The following SSH2 variants were observed in gnomAD, a reference collection of about 807,000 sequenced individuals.
SSH2 encodes the protein protein phosphatase Slingshot homolog 2.
SSH2 carries 37 observed loss-of-function variants against 135.2 expected under a neutral mutation model. The observed-to-expected ratio is 0.27, with a 90% confidence interval of 0.21 to 0.36. The LOEUF (loss-of-function observed/expected upper bound fraction) is 0.36. Ranked by LOEUF, SSH2 falls within the 10% of genes least tolerant of loss-of-function variation. The pLI is 1.00. For synonymous variants in SSH2, 628 were observed against 646.2 expected (o/e 0.97, Z 0.43); for missense variants, 1,408 against 1,765.3 (o/e 0.80, Z 3.63).
intron 15 of SSH2, among the ~76,000 whole-genome samples, chr17:29,634,174 A>G (rs560031495): frequency 6.6e-6 from 1 of 152,340 alleles, no homozygotes; most frequent in African/African-American, 2.4e-5. Context: ...TGTGGTGAAA[A>G]GACAAAAGCA....
At chr17:29,710,205 C>A (rs1598854115) in intron 3 of SSH2, among the ~76,000 whole-genome samples, 1 of 152,278 alleles carries the variant, frequency 6.6e-6, no homozygotes, top group East Asian at 1.9e-4. Flanking sequence ...GTTCTACATG[C>A]ACACATATAA....
rs955951442 is a variant in SSH2 at position 29,930,216 on chromosome 17, T to G, written c.-216A>C. ...GGCGGCGGGCGGGCGGTTCCGCAGC[T>G]GCGGGGCACAATGAGCGCTCCCAGT... On this transcript the variant is annotated 5_prime_UTR_variant, in exon 1 of 16. Transcript: ENST00000540801. 5.4e-6 allele frequency: 3 copies of G among 555,918 alleles called. No homozygotes were observed. Among genetic ancestry groups the G allele is most frequent in the East Asian group, 6.2e-5 (2 of 32,516 alleles). 34.4% of individuals were successfully genotyped at this position (555,918 alleles called of 1,614,324 possible).
chr17:29,761,141 C>G (rs984344268), intron 3 of SSH2: 2 of 1,288,490 alleles, frequency 1.6e-6, no homozygotes, highest in African/African-American at 1.5e-5. Flanking sequence ...GGGCGCGCGG[C>G]GGACTCACAG....
chr17:29,865,596 A>C (rs1218645141), intron 1 of SSH2, among the ~76,000 whole-genome samples: 1 of 152,244 alleles, frequency 6.6e-6, no homozygotes, highest in Admixed American at 6.5e-5. Flanking sequence ...AAGGGGAAGA[A>C]GACTTTGCTG....
At chr17:29,861,170 C>G (rs890837939) in intron 1 of SSH2, among the ~76,000 whole-genome samples, 2 of 152,122 alleles carry the variant, frequency 1.3e-5, no homozygotes, top group Non-Finnish European at 2.9e-5. Flanking sequence ...TCCCATTCTA[C>G]AGGTTGTCTG....
chr17:29,785,910 T>C (rs1325093164), intron 3 of SSH2, among the ~76,000 whole-genome samples: 13 of 150,842 alleles, frequency 8.6e-5, no homozygotes, highest in Non-Finnish European at 1.9e-4. Flanking sequence ...GTTCACACCA[T>C]TCTCCTGCCT....
At chr17:29,756,044 T>TC (rs1291492046) in intron 3 of SSH2, among the ~76,000 whole-genome samples, 1 of 149,988 alleles carries the variant, frequency 6.7e-6, no homozygotes, top group Non-Finnish European at 1.5e-5. Flanking sequence ...GGCAGGCGGA[T>TC]CACCTGAGGT....
At chr17:29,894,604 C>T (rs574763062) in intron 1 of SSH2, among the ~76,000 whole-genome samples, 21 of 151,900 alleles carry the variant, frequency 1.4e-4, no homozygotes, top group Non-Finnish European at 1.5e-4. Context: ...TTGGGGTTTT[C>T]CCAAATAGTT....
At chr17:29,852,274 C>T (rs1007838637) in intron 1 of SSH2, among the ~76,000 whole-genome samples, 6 of 148,480 alleles carry the variant, frequency 4.0e-5, no homozygotes, top group African/African-American at 1.5e-4. Context: ...CACTCTGTCT[C>T]AAAGAAAAAA....
At position 29,635,571 on chromosome 17, in the gene SSH2, C is replaced by T. The variant is rs557392270; in HGVS notation, c.2262+397G>A. The stretch of plus-strand genomic sequence containing the variant: ...AGGCGCCGCCCGCCACCACACCTGG[C>T]TAATTTTTTGTATTTTTTAGTAGAG... On this transcript the variant is annotated intron_variant, in intron 15 of 15. Transcript: ENST00000540801. 3.2e-4 allele frequency among the ~76,000 whole-genome samples: 49 copies of T among 151,654 alleles called. No homozygotes were observed. The South Asian group carries it at 9.8e-3, about 30-fold the overall frequency.
At chr17:29,694,323 G>A (rs1483944565) in intron 5 of SSH2, among the ~76,000 whole-genome samples, 1 of 152,110 alleles carries the variant, frequency 6.6e-6, no homozygotes, top group East Asian at 1.9e-4. Flanking sequence ...AGTTTTATTG[G>A]AGGTATTACT....
chr17:29,735,368 G>C (rs1261458718), intron 3 of SSH2, among the ~76,000 whole-genome samples: 3 of 152,102 alleles, frequency 2.0e-5, no homozygotes, highest in Non-Finnish European at 4.4e-5. Context: ...GAGTTGCACA[G>C]GTTCTTCTGT....
intron 15 of SSH2, among the ~76,000 whole-genome samples, chr17:29,634,234 C>T (rs1051367513): frequency 1.3e-5 from 2 of 152,122 alleles, no homozygotes; most frequent in African/African-American, 2.4e-5. Context: ...AAATCGTTAA[C>T]GGACAAAGCG....
chr17:29,671,377 G>T (rs2037487553), intron 9 of SSH2, among the ~76,000 whole-genome samples: 2 of 152,040 alleles, frequency 1.3e-5, no homozygotes, highest in Non-Finnish European at 2.9e-5. Context: ...CAGGTACTTT[G>T]CAGGCTGAAG....
intron 8 of SSH2, chr17:29,675,718 T>A (rs1485066639): frequency 6.6e-6 from 1 of 152,428 alleles, no homozygotes; most frequent in Admixed American, 6.6e-5. Context: ...GGAAGAACAC[T>A]CGAGCCCAGG....
chr17:29,745,552 C>G (rs1436245341), intron 3 of SSH2, among the ~76,000 whole-genome samples: 1 of 152,162 alleles, frequency 6.6e-6, no homozygotes, highest in Non-Finnish European at 1.5e-5. Context: ...TCTTATTTAT[C>G]CCTTCATTGA....
At chr17:29,755,057 T>C (rs2041069332) in intron 3 of SSH2, among the ~76,000 whole-genome samples, 1 of 152,248 alleles carries the variant, frequency 6.6e-6, no homozygotes, top group Non-Finnish European at 1.5e-5. Flanking sequence ...TTGTTTAGTA[T>C]ATAATGATAA....
At chr17:29,688,409 A>G (rs888470552) in intron 5 of SSH2, among the ~76,000 whole-genome samples, 1 of 152,186 alleles carries the variant, frequency 6.6e-6, no homozygotes, top group Non-Finnish European at 1.5e-5. Context: ...AAACCTAATG[A>G]GAAGGGCCCC....
intron 3 of SSH2, among the ~76,000 whole-genome samples, chr17:29,747,009 G>T (rs1188238792): frequency 1.3e-5 from 2 of 152,188 alleles, no homozygotes; most frequent in African/African-American, 4.8e-5. Context: ...CTCAGGACTT[G>T]AAATATCCTG....
Sources: gnomAD v4.1 joint callset for allele counts (sites outside exome capture counted in the v4.1 genomes callset) on GRCh38, gnomAD v4.1.1 for gene constraint, MANE v1.5 for transcripts, NCBI Gene and HGNC (gene_info 2026-07-23, HGNC 2026-07-21) for gene names.